The following LRRC37A2 variants were observed in gnomAD, a reference collection of about 807,000 sequenced individuals.
The protein encoded by LRRC37A2 is leucine rich repeat containing 37 member A2.
A neutral mutation model predicts 68.8 loss-of-function variants in LRRC37A2; 9 were observed. The observed-to-expected ratio is 0.13, with a 90% confidence interval of 0.08 to 0.23. LRRC37A2 has a LOEUF of 0.23. LRRC37A2 is among the 10% of genes least tolerant of loss of function. The pLI is 1.00. For synonymous variants in LRRC37A2, 63 were observed against 367.6 expected (o/e 0.17, Z 9.48); for missense variants, 168 against 950.4 (o/e 0.18, Z 10.82).
the LRRC37A2 span, among the ~76,000 whole-genome samples, chr17:47,000,569 CA>C: frequency 6.6e-6 from 1 of 152,066 alleles, no homozygotes; most frequent in Admixed American, 6.6e-5. Flanking sequence ...TCCATTGCAG[CA>C]CCCCATGGGC....
the LRRC37A2 span, chr17:46,975,156 A>G: frequency 6.6e-6 from 1 of 152,044 alleles, no homozygotes; most frequent in African/African-American, 2.4e-5. Flanking sequence ...CAAACACATC[A>G]TGTCGTGAAA....
the LRRC37A2 span, chr17:46,939,492 G>A: frequency 1.1e-5 from 11 of 986,342 alleles, no homozygotes; most frequent in Non-Finnish European, 1.3e-5. Context: ...TAGAGTGGTT[G>A]GCTTTTAAGG....
chr17:46,766,277 G>A, the LRRC37A2 span, among the ~76,000 whole-genome samples: 4 of 152,166 alleles, frequency 2.6e-5, no homozygotes, highest in Admixed American at 1.3e-4. Context: ...TCGTGGTGGC[G>A]GGCACCTATA....
the LRRC37A2 span, among the ~76,000 whole-genome samples, chr17:46,502,284 C>T: frequency 6.6e-6 from 1 of 151,046 alleles, no homozygotes; most frequent in Non-Finnish European, 1.5e-5. Context: ...TACTTGACCC[C>T]CACTGTTATC....
the LRRC37A2 span, chr17:46,940,415 A>G: frequency 0.016 from 25,294 of 1,591,780 alleles, 355 homozygotes; most frequent in African/African-American, 0.066. Context: ...TTAGACCTAG[A>G]TCTGTCTAAC....
At chr17:46,740,679 G>A in the LRRC37A2 span, among the ~76,000 whole-genome samples, 128 of 145,814 alleles carry the variant, frequency 8.8e-4, 1 homozygote, top group Non-Finnish European at 1.5e-3. Flanking sequence ...TTTTTTTTTG[G>A]ACACCAAGTT....
At chr17:46,936,547 C>G in the LRRC37A2 span, 4 of 985,550 alleles carry the variant, frequency 4.1e-6, no homozygotes, top group Non-Finnish European at 4.8e-6. Flanking sequence ...TCGGGATTTT[C>G]CACCTACACC....
chr17:46,613,104 C>CAA, the LRRC37A2 span, among the ~76,000 whole-genome samples: 4 of 33,092 alleles, frequency 1.2e-4, no homozygotes, highest in Non-Finnish European at 1.9e-4. Flanking sequence ...CTTGTTTCTA[C>CAA]AAAAAAAAAA....
the LRRC37A2 span, among the ~76,000 whole-genome samples, chr17:46,710,388 T>C: frequency 4.6e-5 from 7 of 152,198 alleles, no homozygotes; most frequent in Admixed American, 2.6e-4. Context: ...AATAATTGCT[T>C]TTATATCCTT....
chr17:46,985,624 T>C, the LRRC37A2 span, among the ~76,000 whole-genome samples: 1 of 151,930 alleles, frequency 6.6e-6, no homozygotes, highest in African/African-American at 2.4e-5. Context: ...CAGTGGAGAA[T>C]GAGACAGGCA....
intron 6 of LRRC37A2, among the ~76,000 whole-genome samples, chr17:46,534,086 A>G (rs1196684038): frequency 7.2e-6 from 1 of 138,076 alleles, no homozygotes; most frequent in Non-Finnish European, 1.5e-5. Flanking sequence ...ACCACTCACA[A>G]CGTTGCAGCC....
At chr17:46,841,033 G>T in the LRRC37A2 span, among the ~76,000 whole-genome samples, 40 of 152,236 alleles carry the variant, frequency 2.6e-4, 2 homozygotes, top group Admixed American at 2.4e-3. Context: ...CGCCTTTCCC[G>T]ATGCTACTTC....
the LRRC37A2 span, among the ~76,000 whole-genome samples, chr17:47,014,614 G>A: frequency 1.3e-5 from 2 of 151,364 alleles, no homozygotes; most frequent in African/African-American, 2.4e-5. Context: ...TTGGAGAGCA[G>A]AACTGAGGAT....
chr17:46,769,912 C>A, the LRRC37A2 span: 1 of 1,613,444 alleles, frequency 6.2e-7, no homozygotes, highest in Non-Finnish European at 8.5e-7. Flanking sequence ...CGCCCCACTT[C>A]CAGCCTTCGC....
chr17:46,708,583 C>G, the LRRC37A2 span, among the ~76,000 whole-genome samples: 1 of 149,044 alleles, frequency 6.7e-6, no homozygotes, highest in East Asian at 2.0e-4. Flanking sequence ...CCTCTGCCTC[C>G]CAGGTTTAAG....
chr17:46,988,729 T>C, the LRRC37A2 span, among the ~76,000 whole-genome samples: 11 of 152,222 alleles, frequency 7.2e-5, no homozygotes, highest in African/African-American at 2.4e-4. Context: ...GGCAGACAGT[T>C]GGAGGCATGG....
At chr17:46,773,653 G>GC in the LRRC37A2 span, 2 of 573,250 alleles carry the variant, frequency 3.5e-6, no homozygotes, top group Non-Finnish European at 4.7e-6. Context: ...CCCCCCCTCA[G>GC]CCCCAAGGCA....
At chr17:46,952,871 C>T in the LRRC37A2 span, 3 of 151,838 alleles carry the variant, frequency 2.0e-5, no homozygotes, top group African/African-American at 7.3e-5. Context: ...AGTGAAAGAC[C>T]CCTCAGTGCA....
chr17:46,799,591 G>A, the LRRC37A2 span, among the ~76,000 whole-genome samples: 62 of 151,966 alleles, frequency 4.1e-4, no homozygotes, highest in African/African-American at 1.4e-3. Context: ...GGGATTACAG[G>A]TGTGCGCCAC....
Sources: gnomAD v4.1 joint callset for allele counts (sites outside exome capture counted in the v4.1 genomes callset) on GRCh38, gnomAD v4.1.1 for gene constraint, MANE v1.5 for transcripts, NCBI Gene and HGNC (gene_info 2026-07-23, HGNC 2026-07-21) for gene names.